Variants in TLK1 observed in about 807,000 individuals in gnomAD.
The protein encoded by TLK1 is tousled like kinase 1.
Under a neutral mutation model 105.3 loss-of-function variants are expected in TLK1, and 24 were observed. That is an observed-to-expected ratio of 0.23 (90% confidence interval 0.17 to 0.32). TLK1 has a LOEUF of 0.32. Ranked by LOEUF, TLK1 falls within the 10% of genes least tolerant of loss-of-function variation. The pLI is 1.00. For missense variants in TLK1, 558 were observed against 910.5 expected (o/e 0.61, Z 4.98); for synonymous variants, 321 against 310.4 (o/e 1.03, Z -0.36).
chr2:171,098,928 A>C (rs1377591652), intron 2 of TLK1, among the ~76,000 whole-genome samples: 1 of 152,172 alleles, frequency 6.6e-6, no homozygotes, highest in African/African-American at 2.4e-5. Flanking sequence ...AACAAAAAAG[A>C]GCCACTCAGC....
chr2:171,116,946 C>T (rs1259005210), intron 2 of TLK1, among the ~76,000 whole-genome samples: 1 of 152,020 alleles, frequency 6.6e-6, no homozygotes, highest in Non-Finnish European at 1.5e-5. Flanking sequence ...GGAAAACATC[C>T]TAAATAAATG....
intron 18 of TLK1, among the ~76,000 whole-genome samples, chr2:170,998,731 CA>C (rs1684205200): frequency 6.6e-6 from 1 of 152,164 alleles, no homozygotes; most frequent in South Asian, 2.1e-4. Context: ...AATGGGTATT[CA>C]AAATTACTAT....
At chr2:171,003,332 T>C (rs1032838177) in intron 18 of TLK1, among the ~76,000 whole-genome samples, 41 of 139,046 alleles carry the variant, frequency 2.9e-4, no homozygotes, top group African/African-American at 9.4e-4. Context: ...CCTGCTGACA[T>C]AGCTGCAGTG....
chr2:171,231,099 A>G (rs972878501), intron 1 of TLK1: 1 of 152,230 alleles, frequency 6.6e-6, no homozygotes, highest in Admixed American at 6.5e-5. Flanking sequence ...ATTGCAAATT[A>G]TCCCAAATTT....
intron 1 of TLK1, among the ~76,000 whole-genome samples, chr2:171,206,549 G>A (rs1256321920): frequency 5.9e-5 from 9 of 152,118 alleles, no homozygotes; most frequent in Admixed American, 2.0e-4. Context: ...AGGCATATAC[G>A]GGTTCCAACA....
chr2:171,088,458 C>T (rs1278587627), intron 2 of TLK1, among the ~76,000 whole-genome samples: 4 of 152,160 alleles, frequency 2.6e-5, no homozygotes, highest in Non-Finnish European at 5.9e-5. Context: ...AAAATTCTTC[C>T]AGAACTGGAA....
chr2:171,128,732 T>C (rs138068801), intron 1 of TLK1, among the ~76,000 whole-genome samples: 1,974 of 152,250 alleles, frequency 0.013, 55 homozygotes, highest in Admixed American at 0.059. Context: ...ATCTCTCACA[T>C]TGTGTATATA....
chr2:171,061,893 T>C (rs1288228323), intron 3 of TLK1, among the ~76,000 whole-genome samples: 1 of 152,136 alleles, frequency 6.6e-6, no homozygotes, highest in Non-Finnish European at 1.5e-5. Flanking sequence ...ACAGCCACAC[T>C]CTTTCATTTA....
At chr2:171,064,482 T>C (rs1477814714) in intron 3 of TLK1, among the ~76,000 whole-genome samples, 1 of 152,234 alleles carries the variant, frequency 6.6e-6, no homozygotes, top group Non-Finnish European at 1.5e-5. Context: ...CTAAGGTATA[T>C]AATGTGCACA....
chr2:171,054,194 G>A (rs1687384849), intron 7 of TLK1: 1 of 165,280 alleles, frequency 6.1e-6, no homozygotes. Context: ...TCTATTTATG[G>A]TACACAACAC....
intron 1 of TLK1, among the ~76,000 whole-genome samples, chr2:171,201,279 C>T (rs1463193294): frequency 6.6e-6 from 1 of 152,122 alleles, no homozygotes; most frequent in Non-Finnish European, 1.5e-5. Flanking sequence ...ATTTTAAATT[C>T]ATTTTATCAA....
At chr2:171,115,425 G>A (rs917368799) in intron 2 of TLK1, among the ~76,000 whole-genome samples, 18 of 152,002 alleles carry the variant, frequency 1.2e-4, no homozygotes, top group Middle Eastern at 3.4e-3. Flanking sequence ...CGCCCACCTC[G>A]GCCTCCCAAA....
At chr2:171,162,431 G>A (rs1692527924), upstream of TLK1, among the ~76,000 whole-genome samples, 1 of 152,118 alleles carries the variant, frequency 6.6e-6, no homozygotes, top group African/African-American at 2.4e-5. Context: ...CCAGCTACTC[G>A]GGAGGCTGAG....
intron 1 of TLK1, among the ~76,000 whole-genome samples, chr2:171,214,545 A>C (rs989729941): frequency 6.6e-6 from 1 of 152,166 alleles, no homozygotes; most frequent in African/African-American, 2.4e-5. Flanking sequence ...TGGAGTGGGC[A>C]TCAGAGTCGC....
At chr2:171,208,078 C>G (rs534169007) in intron 1 of TLK1, among the ~76,000 whole-genome samples, 2 of 152,210 alleles carry the variant, frequency 1.3e-5, no homozygotes, top group Non-Finnish European at 2.9e-5. Flanking sequence ...AATTAACAAC[C>G]CAGGCTCTCT....
At chr2:171,032,108 G>A (rs1686074919) in intron 11 of TLK1, among the ~76,000 whole-genome samples, 2 of 151,674 alleles carry the variant, frequency 1.3e-5, no homozygotes, top group African/African-American at 4.8e-5. Context: ...AACAACAAAA[G>A]GCAACAACAA....
At chr2:171,009,355 G>C (rs1005515534) in intron 14 of TLK1, among the ~76,000 whole-genome samples, 1 of 140,702 alleles carries the variant, frequency 7.1e-6, no homozygotes, top group African/African-American at 2.7e-5. Context: ...CCAGGGTGGA[G>C]TGCAGTAGCA....
At position 171,072,258 on chromosome 2, in the gene TLK1, C is replaced by T. The variant is rs1032216097; in HGVS notation, c.330+10523G>A. 5.9e-5 allele frequency among the ~76,000 whole-genome samples: 9 copies of T among 152,200 alleles called. No individual in the cohort carries two copies. The East Asian group carries it at 1.5e-3, about 26-fold the overall frequency. ...GAATATCCTTCCATTTTTTTGCATACTCTTCAATTTCTTGCATCAATGTTT... is the reference window on the plus strand; with the variant it reads ...GAATATCCTTCCATTTTTTTGCATATTCTTCAATTTCTTGCATCAATGTTT... On this transcript the variant is annotated intron_variant, in intron 3 of 20. Coordinates refer to ENST00000431350, the MANE Select transcript of TLK1 (RefSeq NM_012290.5).
chr2:171,142,853 C>T (rs950537203), intron 1 of TLK1, among the ~76,000 whole-genome samples: 1 of 152,270 alleles, frequency 6.6e-6, no homozygotes, highest in African/African-American at 2.4e-5. Flanking sequence ...AACCATAAAG[C>T]AAGTCTCAAA....
Sources: allele counts gnomAD v4.1 joint callset (sites outside exome capture counted in the v4.1 genomes callset), GRCh38; gene constraint gnomAD v4.1.1; transcripts MANE v1.5; gene names NCBI Gene and HGNC (gene_info 2026-07-23, HGNC 2026-07-21).